The following CPED1 variants were observed in gnomAD, a reference collection of about 807,000 sequenced individuals.
CPED1 encodes cadherin like and PC-esterase domain containing 1.
CPED1 carries 114 observed loss-of-function variants against 128.2 expected under a neutral mutation model. The observed-to-expected ratio is 0.89, with a 90% confidence interval of 0.76 to 1.04. The LOEUF is 1.04. CPED1 is among the 50% of genes least tolerant of loss of function. The pLI is 0.00. For synonymous variants in CPED1, 462 were observed against 426.7 expected (o/e 1.08, Z -1.02); for missense variants, 1,211 against 1,207.1 (o/e 1.00, Z -0.05).
chr7:121,115,684 T>C (rs1185300642), intron 7 of CPED1, among the ~76,000 whole-genome samples: 2 of 152,190 alleles, frequency 1.3e-5, no homozygotes, highest in Non-Finnish European at 2.9e-5. Flanking sequence ...AGTACAGATA[T>C]TACCGGATTT....
chr7:121,059,688 A>G (rs1477039369), intron 4 of CPED1, among the ~76,000 whole-genome samples: 1 of 78,772 alleles, frequency 1.3e-5, no homozygotes, highest in Non-Finnish European at 3.7e-5. Context: ...TATAATTAAT[A>G]TATTTTTGCC....
At chr7:121,070,355 AC>A (rs1322411890) in intron 5 of CPED1, among the ~76,000 whole-genome samples, 2 of 151,822 alleles carry the variant, frequency 1.3e-5, no homozygotes, top group African/African-American at 4.8e-5. Flanking sequence ...AAATCCTGAT[AC>A]CCCCTCTCTG....
chr7:121,063,510 G>A lies in CPED1; in HGVS notation c.541-728G>A, dbSNP rs143786066. On this transcript the variant is annotated intron_variant, in intron 4 of 22. Transcript: ENST00000310396. ...TATTTCTATCAAGTCATGCCAGCAGGACATAGTGCTGCAATACTTTATTAG... is the reference window on the plus strand; with the variant it reads ...TATTTCTATCAAGTCATGCCAGCAGAACATAGTGCTGCAATACTTTATTAG... Among the ~76,000 whole-genome samples the A allele has an allele frequency of 5.3e-3, 805 of 151,938 alleles. 3 individuals are homozygous for A. Among genetic ancestry groups the A allele is most frequent in the Admixed American group, 9.7e-3 (148 of 15,236 alleles).
chr7:121,096,476 G>A (rs982863751), intron 5 of CPED1, among the ~76,000 whole-genome samples: 3 of 152,128 alleles, frequency 2.0e-5, no homozygotes, highest in Non-Finnish European at 4.4e-5. Flanking sequence ...TGGAGAGAGT[G>A]GAAATTGGAG....
At chr7:121,017,027 G>C (rs528999909) in intron 3 of CPED1, among the ~76,000 whole-genome samples, 1 of 152,322 alleles carries the variant, frequency 6.6e-6, no homozygotes, top group Non-Finnish European at 1.5e-5. Flanking sequence ...TTTCTGAGAA[G>C]GTTGGGGGAC....
At chr7:121,127,629 G>C (rs548338305) in intron 10 of CPED1, among the ~76,000 whole-genome samples, 90 of 149,738 alleles carry the variant, frequency 6.0e-4, no homozygotes, top group Non-Finnish European at 1.2e-3. Flanking sequence ...TCCGCCTCCT[G>C]GGTTCAAGAG....
intron 16 of CPED1, among the ~76,000 whole-genome samples, chr7:121,164,384 GTTGACCAGGATACTGGC>G (rs1368487414): frequency 6.6e-6 from 1 of 152,232 alleles, no homozygotes; most frequent in Non-Finnish European, 1.5e-5. Flanking sequence ...GTAGGACTAT[GTTGACCAGGATACTGGC>G]TTCACTTCTT....
intron 7 of CPED1, among the ~76,000 whole-genome samples, chr7:121,109,787 CAG>C (rs1173167035): frequency 6.6e-6 from 1 of 152,112 alleles, no homozygotes; most frequent in Admixed American, 6.6e-5. Flanking sequence ...AAATCACACA[CAG>C]AGAAATCATT....
At chr7:121,047,680 T>C (rs111687247) in intron 4 of CPED1, among the ~76,000 whole-genome samples, 963 of 16,256 alleles carry the variant, frequency 0.059, 3 homozygotes, top group African/African-American at 0.11. Flanking sequence ...CTTCTTCTTC[T>C]TCTTCTTCTT....
intron 3 of CPED1, among the ~76,000 whole-genome samples, chr7:121,025,593 G>T (rs1792557489): frequency 6.6e-6 from 1 of 152,114 alleles, no homozygotes; most frequent in Non-Finnish European, 1.5e-5. Context: ...CGTGGTATGG[G>T]TTGGGAGTGT....
At chr7:121,119,547 C>T (rs187582014) in intron 7 of CPED1, among the ~76,000 whole-genome samples, 73 of 149,114 alleles carry the variant, frequency 4.9e-4, no homozygotes, top group African/African-American at 1.6e-3. Flanking sequence ...GAGTTTTGGC[C>T]GGGCGCGGTG....
At chr7:121,109,385 C>G (rs1357567738) in intron 7 of CPED1, among the ~76,000 whole-genome samples, 2 of 152,124 alleles carry the variant, frequency 1.3e-5, no homozygotes, top group Non-Finnish European at 2.9e-5. Context: ...TTTGTCCTTT[C>G]ACTCCCTATT....
chr7:121,226,523 T>C (rs1417720607), intron 16 of CPED1, among the ~76,000 whole-genome samples: 1 of 152,132 alleles, frequency 6.6e-6, no homozygotes, highest in Non-Finnish European at 1.5e-5. Context: ...AGTTTTGTGT[T>C]ATTAATATTT....
At chr7:121,187,556 C>T (rs1278718277) in intron 16 of CPED1, among the ~76,000 whole-genome samples, 4 of 152,042 alleles carry the variant, frequency 2.6e-5, no homozygotes, top group African/African-American at 7.2e-5. Flanking sequence ...GATCTAAGGG[C>T]ACCTCAGCCT....
chr7:121,016,240 G>C (rs1236395424), intron 3 of CPED1, among the ~76,000 whole-genome samples: 1 of 152,172 alleles, frequency 6.6e-6, no homozygotes, highest in Non-Finnish European at 1.5e-5. Flanking sequence ...CCAGAAGCCA[G>C]CTTAAATGTG....
At chr7:121,086,684 A>G (rs1003244518) in intron 5 of CPED1, among the ~76,000 whole-genome samples, 1 of 152,238 alleles carries the variant, frequency 6.6e-6, no homozygotes, top group Non-Finnish European at 1.5e-5. Flanking sequence ...GTAAATGCCA[A>G]CATTCTCCAA....
chr7:121,247,194 AT>A (rs1197307726), intron 18 of CPED1, among the ~76,000 whole-genome samples: 3 of 152,196 alleles, frequency 2.0e-5, no homozygotes, highest in African/African-American at 7.2e-5. Flanking sequence ...TATAGACTAT[AT>A]CCAGAATAAT....
chr7:121,118,674 A>G (rs1795312273), intron 7 of CPED1, among the ~76,000 whole-genome samples: 1 of 152,086 alleles, frequency 6.6e-6, no homozygotes, highest in South Asian at 2.1e-4. Flanking sequence ...TTATAAAGAA[A>G]AGAGGTTTAA....
intron 4 of CPED1, among the ~76,000 whole-genome samples, chr7:121,063,342 T>C (rs1045624532): frequency 1.3e-5 from 1 of 79,832 alleles, no homozygotes; most frequent in Non-Finnish European, 2.3e-5. Flanking sequence ...ACCTAGAGAC[T>C]AAAAGCTCTA....
Sources: allele counts gnomAD v4.1 joint callset (sites outside exome capture counted in the v4.1 genomes callset), GRCh38; gene constraint gnomAD v4.1.1; transcripts MANE v1.5; gene names NCBI Gene and HGNC (gene_info 2026-07-23, HGNC 2026-07-21).